The following PRPS1 variants were observed in gnomAD, a reference collection of about 807,000 sequenced individuals.
The protein encoded by PRPS1 is phosphoribosyl pyrophosphate synthetase 1.
In PRPS1, 1 loss-of-function variant was observed where a neutral mutation model predicts 16.9. The observed-to-expected ratio is 0.06, with a 90% confidence interval of 0.02 to 0.28. The LOEUF (loss-of-function observed/expected upper bound fraction) is 0.28, where lower values mean the gene tolerates loss of function less well. Ranked by LOEUF, PRPS1 falls within the 10% of genes least tolerant of loss-of-function variation. The pLI is 1.00. For missense variants in PRPS1, 47 were observed against 254.0 expected, an observed-to-expected ratio of 0.19 and a Z score of 5.54; for synonymous variants, 70 against 90.2, an observed-to-expected ratio of 0.78 and a Z score of 1.27.
rs761523210 is a variant in PRPS1 at position 107,628,584 on chromosome X, AG to A, written c.-44del. ...GGCCGACTTCGGTTCCGGTCTCTGC[AG>A]CAGCCGTGATCGCTTAGTGGAGTGC... On this transcript the variant is annotated 5_prime_UTR_variant, in exon 1 of 7. Coordinates refer to ENST00000372435, the MANE Select transcript of PRPS1 (RefSeq NM_002764.4). The A allele has an allele frequency of 3.3e-6, 4 of 1,209,380 alleles. No individual in the cohort carries two copies. The South Asian group carries it at 7.0e-5, about 21-fold the overall frequency.
chrX:107,647,045 T>C (rs1383581565), intron 5 of PRPS1, among the ~76,000 whole-genome samples: 1 of 112,733 alleles, frequency 8.9e-6, no homozygotes, highest in African/African-American at 3.2e-5. Context: ...TTTCTCGATA[T>C]GGACTGAATT....
At chrX:107,640,873 T>C (rs758465030) in intron 2 of PRPS1, 29 bp from the exon 3 acceptor site, 1 of 1,207,786 alleles carries the variant, frequency 8.3e-7, no homozygotes, top group Admixed American at 2.2e-5. Context: ...GCTTTTTGGT[T>C]TTTCTTTTCT....
intron 2 of PRPS1, among the ~76,000 whole-genome samples, chrX:107,639,890 TAGA>T (rs1925533379): frequency 8.9e-6 from 1 of 112,475 alleles, no homozygotes; most frequent in African/African-American, 3.2e-5. Context: ...GATAGATAGA[TAGA>T]TAGATAAACT....
chrX:107,642,518 A>C, intron 4 of PRPS1, 28 bp downstream of exon 4: 1 of 1,208,649 alleles, frequency 8.3e-7, no homozygotes, highest in East Asian at 3.0e-5. Flanking sequence ...ATTGTTCCCA[A>C]TGTACTGGGA....
At chrX:107,635,928 C>T (rs1438051909) in intron 1 of PRPS1, among the ~76,000 whole-genome samples, 3 of 107,580 alleles carry the variant, frequency 2.8e-5, no homozygotes, top group South Asian at 4.2e-4. Context: ...GGCGTGGTGG[C>T]GTGCGGCTGT....
intron 2 of PRPS1, among the ~76,000 whole-genome samples, chrX:107,640,413 T>C (rs1050987037): frequency 9.0e-6 from 1 of 111,493 alleles, no homozygotes; most frequent in African/African-American, 3.3e-5. Context: ...TATGTTTTAT[T>C]TGAGGAGTTC....
intron 1 of PRPS1, among the ~76,000 whole-genome samples, chrX:107,631,978 C>T (rs1036411416): frequency 8.9e-6 from 1 of 112,687 alleles, no homozygotes; most frequent in Non-Finnish European, 1.9e-5. Context: ...TGTGAGCTAC[C>T]GTGCCCGGCT....
chrX:107,638,091 A>T (rs2147680595), intron 1 of PRPS1, among the ~76,000 whole-genome samples: 1 of 109,024 alleles, frequency 9.2e-6, no homozygotes, highest in African/African-American at 3.3e-5. Context: ...GGTACCTGCC[A>T]CCACACTCAG....
intron 1 of PRPS1, 121 bp downstream of exon 1, chrX:107,628,871 G>C: frequency 1.0e-6 from 1 of 995,976 alleles, no homozygotes; most frequent in Non-Finnish European, 1.4e-6. Context: ...GTGCAGCTCT[G>C]TGACTAGCCT....
chrX:107,629,782 G>T (rs1779382066), intron 1 of PRPS1, among the ~76,000 whole-genome samples: 1 of 111,779 alleles, frequency 8.9e-6, no homozygotes, highest in Non-Finnish European at 1.9e-5. Flanking sequence ...TTATTTCAGT[G>T]CCCCTTCCAC....
Position 107,642,603 on chromosome X carries a change from A to G in PRPS1, c.530+113A>G, listed in dbSNP as rs760421564. ...GCAGTTTTTAAGTATTTTTGAATGG[A>G]TGTAAGTAGCTAGCACATGGGTTGA... is the stretch of plus-strand genomic sequence containing the variant. On this transcript the variant is annotated intron_variant, in intron 4 of 6. Transcript: ENST00000372435. 4.2e-6 allele frequency: 4 copies of G among 962,558 alleles called. No individual in the cohort carries two copies. The Admixed American group carries it at 9.0e-5, about 22-fold the overall frequency. 79.3% of individuals were successfully genotyped at this position (962,558 alleles called of 1,213,427 possible).
chrX:107,635,974 C>T (rs190926438), intron 1 of PRPS1, among the ~76,000 whole-genome samples: 2,139 of 102,156 alleles, frequency 0.021, 29 homozygotes, highest in Non-Finnish European at 0.028. Context: ...GCAGGAGAAT[C>T]ACTTGAACCC....
chrX:107,638,918 A>C (rs1344207494), intron 1 of PRPS1, among the ~76,000 whole-genome samples: 1 of 109,423 alleles, frequency 9.1e-6, no homozygotes, highest in East Asian at 2.9e-4. Flanking sequence ...TTTTTAGTAG[A>C]GATACATGGT....
chrX:107,633,980 A>G (rs955935368), intron 1 of PRPS1, among the ~76,000 whole-genome samples: 21 of 111,985 alleles, frequency 1.9e-4, no homozygotes, highest in Non-Finnish European at 3.4e-4. Flanking sequence ...TTAAAGCTAT[A>G]TATTTATCAG....
intron 1 of PRPS1, among the ~76,000 whole-genome samples, chrX:107,636,215 C>T (rs1925438652): frequency 9.0e-6 from 1 of 110,667 alleles, no homozygotes; most frequent in South Asian, 3.8e-4. Flanking sequence ...CTCCGCCTCC[C>T]AGGTTCAAGC....
intron 1 of PRPS1, among the ~76,000 whole-genome samples, chrX:107,637,988 A>G (rs1925480022): frequency 9.2e-6 from 1 of 108,801 alleles, no homozygotes; most frequent in Non-Finnish European, 1.9e-5. Flanking sequence ...CACCCAGGCT[A>G]GAGTGCAGAG....
chrX:107,637,178 A>G (rs1925460632), intron 1 of PRPS1, among the ~76,000 whole-genome samples: 1 of 110,199 alleles, frequency 9.1e-6, no homozygotes, highest in South Asian at 3.8e-4. Flanking sequence ...TTTTCTTGGT[A>G]GAGACCCGAG....
At position 107,650,200 on chromosome X, in the gene PRPS1, T is replaced by G; in HGVS notation, c.*168T>G. ...CGAACTGGGGAAAGACGGATTGAGA[T>G]TAACTGCTGGGACCTCCTACCTGCA... On this transcript the variant is annotated 3_prime_UTR_variant, in exon 7 of 7. Coordinates refer to ENST00000372435, the MANE Select transcript of PRPS1 (RefSeq NM_002764.4). The G allele has an allele frequency of 1.0e-6, 1 of 953,751 alleles. No homozygotes were observed. Among genetic ancestry groups the G allele is most frequent in the Non-Finnish European group, 1.4e-6 (1 of 703,551 alleles). 78.6% of individuals were successfully genotyped at this position (953,751 alleles called of 1,213,427 possible). A position where few individuals can be genotyped will look rare whatever the true frequency, so the allele number is the denominator to read the frequency against.
Position 107,650,247 on chromosome X carries a change from G to A in PRPS1, c.*215G>A. 1.5e-6 allele frequency: 1 copy of A among 667,286 alleles called. No homozygotes were observed. The highest frequency in any genetic ancestry group is 2.2e-6 in the Non-Finnish European group (1 of 459,337). 55.0% of individuals were successfully genotyped at this position (667,286 alleles called of 1,213,427 possible). A position where few individuals can be genotyped will look rare whatever the true frequency, so the allele number is the denominator to read the frequency against. ...TGCATTATCTCATTCTGGCTTCCTT[G>A]ATAATTCTGTGGGCCTTGCAGCTTT... On this transcript the variant is annotated 3_prime_UTR_variant, in exon 7 of 7. Transcript: ENST00000372435.
Sources: gnomAD v4.1 joint callset for allele counts (sites outside exome capture counted in the v4.1 genomes callset) on GRCh38, gnomAD v4.1.1 for gene constraint, MANE v1.5 for transcripts, NCBI Gene and HGNC (gene_info 2026-07-23, HGNC 2026-07-21) for gene names.